ARHGAP24: variants seen among roughly 807,000 people sequenced by gnomAD.
ARHGAP24 encodes the protein Rho GTPase activating protein 24, also known as rho GTPase-activating protein 24.
A neutral mutation model predicts 76.4 loss-of-function variants in ARHGAP24; 50 were observed. That is an observed-to-expected ratio of 0.65 (90% confidence interval 0.52 to 0.83). ARHGAP24 has a LOEUF of 0.83. Ranked by LOEUF, ARHGAP24 falls within the 40% of genes least tolerant of loss-of-function variation. The pLI, the probability that ARHGAP24 is intolerant of heterozygous loss-of-function variation, is 0.00. For missense variants in ARHGAP24, 930 were observed against 914.2 expected (o/e 1.02, Z -0.22); for synonymous variants, 345 against 323.3 (o/e 1.07, Z -0.72).
At chr4:85,814,203 C>A (rs1454306632) in intron 3 of ARHGAP24, among the ~76,000 whole-genome samples, 4 of 152,120 alleles carry the variant, frequency 2.6e-5, no homozygotes, top group Non-Finnish European at 5.9e-5. Flanking sequence ...GGTAGGGATA[C>A]AGAGCCAAAC....
chr4:85,648,093 T>C (rs1472514702), intron 2 of ARHGAP24, among the ~76,000 whole-genome samples: 2 of 152,152 alleles, frequency 1.3e-5, no homozygotes, highest in African/African-American at 2.4e-5. Context: ...TGCTGACTTA[T>C]TCACACCTGT....
intron 3 of ARHGAP24, among the ~76,000 whole-genome samples, chr4:85,914,331 T>G (rs1312984830): frequency 6.6e-6 from 1 of 152,156 alleles, no homozygotes; most frequent in East Asian, 1.9e-4. Context: ...TTCTCAAACT[T>G]TATGATGCAT....
rs139936589 is a variant in ARHGAP24 at position 85,570,705 on chromosome 4, A to T, written c.164A>T (p.Asp55Val). Residue 55 changes from aspartate (D) to valine (V), a missense_variant, in exon 2 of 10, where the codon GAT becomes GTT. Transcript: ENST00000395184. ...GDQLYYFKDEDETKPLGTIFL... is the reference protein window; with the variant it reads ...GDQLYYFKDEVETKPLGTIFL... Reference sequence around the variant, plus strand: ...CAGCTCTATTATTTCAAAGATGAAGATGAAACCAAGCCCTTGGTGAGTAGG... The same window carrying T: ...CAGCTCTATTATTTCAAAGATGAAGTTGAAACCAAGCCCTTGGTGAGTAGG... 46 of 1,613,998 alleles carry T rather than the reference A, an allele frequency of 2.9e-5. No homozygotes were observed. The highest frequency in any genetic ancestry group is 1.8e-4 in the Admixed American group (11 of 60,004).
chr4:85,978,140 GA>G (rs1363914982), intron 8 of ARHGAP24, among the ~76,000 whole-genome samples: 1 of 152,160 alleles, frequency 6.6e-6, no homozygotes, highest in Non-Finnish European at 1.5e-5. Context: ...AAACATGAAA[GA>G]ATTTTTGTTG....
At chr4:85,795,602 G>A (rs1728310763) in intron 3 of ARHGAP24, among the ~76,000 whole-genome samples, 1 of 151,998 alleles carries the variant, frequency 6.6e-6, no homozygotes, top group South Asian at 2.1e-4. Flanking sequence ...CTCTTTATTT[G>A]TATGTTATTT....
intron 2 of ARHGAP24, among the ~76,000 whole-genome samples, chr4:85,629,567 G>A (rs749315669): frequency 1.3e-5 from 2 of 152,106 alleles, no homozygotes; most frequent in Non-Finnish European, 2.9e-5. Context: ...GTTTTTGTTT[G>A]TGTGGGAAAT....
intron 3 of ARHGAP24, among the ~76,000 whole-genome samples, chr4:85,897,376 T>C (rs1734236591): frequency 6.6e-6 from 1 of 152,244 alleles, no homozygotes; most frequent in African/African-American, 2.4e-5. Context: ...AATATATGAA[T>C]GTACTGAATT....
At chr4:85,672,892 T>G (rs1370541997) in intron 2 of ARHGAP24, among the ~76,000 whole-genome samples, 2 of 152,348 alleles carry the variant, frequency 1.3e-5, no homozygotes, top group African/African-American at 2.4e-5. Context: ...GATTTGATGT[T>G]CTGCAACCAT....
intron 2 of ARHGAP24, among the ~76,000 whole-genome samples, chr4:85,617,816 A>G (rs766249136): frequency 6.6e-6 from 1 of 152,016 alleles, no homozygotes; most frequent in Non-Finnish European, 1.5e-5. Context: ...CTGGCAATGT[A>G]TAAGAGTATC....
intron 2 of ARHGAP24, among the ~76,000 whole-genome samples, chr4:85,712,382 AC>A (rs1318179485): frequency 2.6e-5 from 4 of 151,696 alleles, no homozygotes; most frequent in Non-Finnish European, 4.4e-5. Flanking sequence ...TCATTTTAAA[AC>A]CCCAGCTGTT....
At chr4:85,815,058 C>T (rs1729177658) in intron 3 of ARHGAP24, among the ~76,000 whole-genome samples, 1 of 152,194 alleles carries the variant, frequency 6.6e-6, no homozygotes, top group African/African-American at 2.4e-5. Flanking sequence ...TCTACATTGG[C>T]ACCTTTCAGT....
intron 3 of ARHGAP24, among the ~76,000 whole-genome samples, chr4:85,768,317 A>G (rs1014588849): frequency 2.0e-5 from 3 of 152,236 alleles, no homozygotes; most frequent in Admixed American, 2.0e-4. Flanking sequence ...ATAAGGACTT[A>G]AGGAAACCAT....
intron 5 of ARHGAP24, among the ~76,000 whole-genome samples, chr4:85,965,114 G>A (rs973237808): frequency 3.9e-5 from 6 of 152,144 alleles, no homozygotes; most frequent in African/African-American, 1.2e-4. Flanking sequence ...CGGAGACTGC[G>A]CAATTCACAA....
At chr4:85,779,516 C>T (rs1040202307) in intron 3 of ARHGAP24, among the ~76,000 whole-genome samples, 15 of 152,014 alleles carry the variant, frequency 9.9e-5, no homozygotes, top group African/African-American at 3.6e-4. Flanking sequence ...GGGGTTTTTG[C>T]CTCCAGTTTG....
At chr4:85,955,139 CTTTCT>C (rs1457751200) in intron 5 of ARHGAP24, among the ~76,000 whole-genome samples, 2 of 152,182 alleles carry the variant, frequency 1.3e-5, no homozygotes, top group Non-Finnish European at 2.9e-5. Context: ...GCCCAGATCT[CTTTCT>C]AAACAGCAGA....
chr4:85,720,899 G>A (rs1162255647), intron 2 of ARHGAP24, among the ~76,000 whole-genome samples: 2 of 152,140 alleles, frequency 1.3e-5, no homozygotes, highest in African/African-American at 4.8e-5. Flanking sequence ...TATCAAACAC[G>A]CAGCTTGTGA....
chr4:85,545,389 C>T (rs951739632), intron 1 of ARHGAP24, among the ~76,000 whole-genome samples: 22 of 152,164 alleles, frequency 1.4e-4, no homozygotes, highest in Admixed American at 4.6e-4. Flanking sequence ...CGTGAGCCAC[C>T]ACACCTGGCC....
chr4:85,552,719 T>C (rs1726190371), intron 1 of ARHGAP24, among the ~76,000 whole-genome samples: 1 of 152,210 alleles, frequency 6.6e-6, no homozygotes, highest in African/African-American at 2.4e-5. Flanking sequence ...AGTGCATACA[T>C]ATATTTAGGA....
intron 1 of ARHGAP24, among the ~76,000 whole-genome samples, chr4:85,488,466 G>A (rs2110092296): frequency 6.6e-6 from 1 of 152,176 alleles, no homozygotes; most frequent in South Asian, 2.1e-4. Flanking sequence ...CAGCATTGTA[G>A]GTCCTCTTAG....
Sources: allele counts gnomAD v4.1 joint callset (sites outside exome capture counted in the v4.1 genomes callset), GRCh38; gene constraint gnomAD v4.1.1; transcripts MANE v1.5; gene names NCBI Gene and HGNC (gene_info 2026-07-23, HGNC 2026-07-21).